Variants in CNTNAP5 observed in about 807,000 individuals in gnomAD.
CNTNAP5 encodes the protein contactin associated protein family member 5, also known as contactin-associated protein-like 5.
In CNTNAP5, 72 loss-of-function variants were observed where a neutral mutation model predicts 150.2. That is an observed-to-expected ratio of 0.48 (90% CI 0.40 to 0.58). The LOEUF (loss-of-function observed/expected upper bound fraction) is 0.58. Among genes scored for constraint, CNTNAP5 ranks in the 20% least tolerant of loss-of-function variants. The pLI, the probability that CNTNAP5 is intolerant of heterozygous loss-of-function variation, is 0.00. For synonymous variants in CNTNAP5, 672 were observed against 619.8 expected (o/e 1.08, Z -1.25); for missense variants, 1,636 against 1,626.2 (o/e 1.01, Z -0.10).
rs1558746841 is a variant in CNTNAP5, at chr2:124,713,303, T to TTCTC, written c.2078-33926_2078-33925insTCTC. Among the ~76,000 whole-genome samples the TTCTC allele has an allele frequency of 4.0e-5, 4 of 99,082 alleles. No homozygotes were observed. The East Asian group carries it at 1.4e-3, about 35-fold the overall frequency. 65.0% of individuals were successfully genotyped at this position (99,082 alleles called of 152,430 possible). A position where few individuals can be genotyped will look rare whatever the true frequency, so the allele number is the denominator to read the frequency against. The stretch of plus-strand genomic sequence containing the variant: ...TTTCTTTCTTTCTTTCTTTCTTTCT[T>TTCTC]CTTTCTCTTTCTTTCCTTTCTTTCT... On this transcript the variant is annotated intron_variant, in intron 13 of 23. Transcript: ENST00000682447.
chr2:124,209,106 C>T (rs1685938950), intron 1 of CNTNAP5, among the ~76,000 whole-genome samples: 1 of 152,120 alleles, frequency 6.6e-6, no homozygotes, highest in African/African-American at 2.4e-5. Context: ...TGTGATGTTT[C>T]CATTCTATCT....
chr2:124,417,669 G>A, intron 4 of CNTNAP5, 79 bp downstream of exon 4: 1 of 1,313,372 alleles, frequency 7.6e-7, no homozygotes, highest in Non-Finnish European at 1.0e-6. Flanking sequence ...TCTACATTGA[G>A]ATTGACAATC....
intron 19 of CNTNAP5, among the ~76,000 whole-genome samples, chr2:124,837,180 CAAA>C (rs11349290): frequency 1.5e-5 from 2 of 132,184 alleles, no homozygotes; most frequent in Non-Finnish European, 3.3e-5. Flanking sequence ...GTATGACTAT[CAAA>C]AAAAAAAAAA....
intron 19 of CNTNAP5, among the ~76,000 whole-genome samples, chr2:124,857,065 G>T (rs899024073): frequency 6.6e-6 from 1 of 152,096 alleles, no homozygotes; most frequent in Non-Finnish European, 1.5e-5. Context: ...AGGGGCAAAT[G>T]GTTTCCACTG....
intron 19 of CNTNAP5, among the ~76,000 whole-genome samples, chr2:124,804,879 A>G (rs1050982529): frequency 2.0e-5 from 3 of 151,692 alleles, no homozygotes; most frequent in Non-Finnish European, 2.9e-5. Flanking sequence ...AAACTATAAA[A>G]CACACTTTAT....
intron 1 of CNTNAP5, among the ~76,000 whole-genome samples, chr2:124,176,427 A>T (rs1461742256): frequency 2.6e-5 from 4 of 152,176 alleles, no homozygotes; most frequent in Non-Finnish European, 5.9e-5. Flanking sequence ...GAAGCACTCA[A>T]TTGGATAGTA....
At chr2:124,622,855 T>C (rs1272482933) in intron 12 of CNTNAP5, among the ~76,000 whole-genome samples, 2 of 152,196 alleles carry the variant, frequency 1.3e-5, no homozygotes, top group Non-Finnish European at 2.9e-5. Flanking sequence ...GCAAAAGTAT[T>C]GTTACCACAA....
chr2:124,724,608 C>T (rs1680118201), intron 13 of CNTNAP5, among the ~76,000 whole-genome samples: 1 of 152,014 alleles, frequency 6.6e-6, no homozygotes, highest in Admixed American at 6.6e-5. Context: ...AGCTTTCTCC[C>T]TCTCTCCCTG....
intron 3 of CNTNAP5, among the ~76,000 whole-genome samples, chr2:124,354,284 G>T (rs1441349497): frequency 6.6e-6 from 1 of 152,098 alleles, no homozygotes; most frequent in Non-Finnish European, 1.5e-5. Context: ...AAATCTTTGA[G>T]AATCTAGTTC....
intron 13 of CNTNAP5, among the ~76,000 whole-genome samples, chr2:124,707,140 G>GAGGAAGAAGAAGAAGAAGAAGAAGAA (rs1679697343): frequency 1.2e-4 from 10 of 86,476 alleles, no homozygotes; most frequent in Non-Finnish European, 2.1e-4. Context: ...AAGAAGAAGA[G>GAGGAAGAAGAAGAAGAAGAAGAAGAA]GAAGAAGAAG....
chr2:124,448,947 G>A (rs1692896463), intron 6 of CNTNAP5, among the ~76,000 whole-genome samples: 1 of 152,190 alleles, frequency 6.6e-6, no homozygotes, highest in South Asian at 2.1e-4. Context: ...ACATACCTGT[G>A]GGTATGTGTG....
chr2:124,072,428 G>T (rs916936848), intron 1 of CNTNAP5, among the ~76,000 whole-genome samples: 2 of 151,782 alleles, frequency 1.3e-5, no homozygotes, highest in African/African-American at 2.4e-5. Flanking sequence ...TATAAAGAAA[G>T]AAATCAAAGT....
At chr2:124,153,103 C>A (rs1684444088) in intron 1 of CNTNAP5, among the ~76,000 whole-genome samples, 1 of 152,096 alleles carries the variant, frequency 6.6e-6, no homozygotes, top group African/African-American at 2.4e-5. Context: ...AAAAACTTAA[C>A]CCTTCATAGC....
intron 21 of CNTNAP5, among the ~76,000 whole-genome samples, chr2:124,900,912 G>A (rs894279391): frequency 6.6e-6 from 1 of 151,622 alleles, no homozygotes; most frequent in Non-Finnish European, 1.5e-5. Context: ...TGGGTACAGT[G>A]AGTTCTGGTG....
intron 1 of CNTNAP5, among the ~76,000 whole-genome samples, chr2:124,052,510 T>A (rs1219139385): frequency 6.6e-6 from 1 of 152,236 alleles, no homozygotes; most frequent in South Asian, 2.1e-4. Context: ...GGTAAATTAA[T>A]GCAAGCATTT....
chr2:124,812,715 C>T (rs1267405334), intron 19 of CNTNAP5, among the ~76,000 whole-genome samples: 2 of 151,962 alleles, frequency 1.3e-5, no homozygotes, highest in Non-Finnish European at 2.9e-5. Context: ...CCTGGAAGCC[C>T]CATCTTTGAG....
At chr2:124,329,631 G>GA (rs934368766) in intron 3 of CNTNAP5, among the ~76,000 whole-genome samples, 4 of 151,616 alleles carry the variant, frequency 2.6e-5, no homozygotes, top group South Asian at 2.1e-4. Flanking sequence ...TGGCCGTGAA[G>GA]AAAAAAAACA....
chr2:124,820,409 C>CTG lies in CNTNAP5; in HGVS notation c.3217+22089_3217+22090insTG, dbSNP rs1284776827. Among the ~76,000 whole-genome samples the CTG allele has an allele frequency of 2.5e-3, 379 of 151,794 alleles. 1 individual carries two copies. The highest frequency in any genetic ancestry group is 8.6e-3 in the African/African-American group (357 of 41,348). On this transcript the variant is annotated intron_variant, in intron 19 of 23. Transcript: ENST00000682447. The stretch of plus-strand genomic sequence containing the variant: ...TTGATCTGTGACCCAGAAGAAGGGA[C>CTG]CTGCTCTCCCTCACCAGTTGCTTCC...
chr2:124,104,351 G>T (rs957695927), intron 1 of CNTNAP5, among the ~76,000 whole-genome samples: 2 of 151,978 alleles, frequency 1.3e-5, no homozygotes, highest in Non-Finnish European at 2.9e-5. Context: ...GTGTCATTGA[G>T]AAATTTTTTT....
Sources: allele counts gnomAD v4.1 joint callset (sites outside exome capture counted in the v4.1 genomes callset), GRCh38; gene constraint gnomAD v4.1.1; transcripts MANE v1.5; gene names NCBI Gene and HGNC (gene_info 2026-07-23, HGNC 2026-07-21).